PCDH17: variants seen among roughly 807,000 people sequenced by gnomAD.
The protein encoded by PCDH17 is protocadherin-17.
Under a neutral mutation model 67.7 loss-of-function variants are expected in PCDH17, and 21 were observed. The ratio of observed to expected loss-of-function variants is 0.31; its 90% confidence interval spans 0.22 to 0.45. The LOEUF (loss-of-function observed/expected upper bound fraction) is 0.45, where lower values mean the gene tolerates loss of function less well. PCDH17 is among the 20% of genes least tolerant of loss of function. PCDH17 has a pLI of 1.00. For missense variants in PCDH17, 1,471 were observed against 1,564.8 expected (o/e 0.94, Z 1.01); for synonymous variants, 701 against 656.7 (o/e 1.07, Z -1.03).
intron 1 of PCDH17, among the ~76,000 whole-genome samples, chr13:57,642,713 GA>G (rs1021033902): frequency 2.0e-5 from 3 of 151,032 alleles, no homozygotes; most frequent in African/African-American, 7.3e-5. Context: ...CTCCAATTCA[GA>G]AAAAAACTCA....
At chr13:57,712,651 C>T (rs892333742) in intron 3 of PCDH17, among the ~76,000 whole-genome samples, 1 of 150,730 alleles carries the variant, frequency 6.6e-6, no homozygotes, top group Non-Finnish European at 1.5e-5. Flanking sequence ...TTGGTAGCAA[C>T]AAAAAAATCA....
intron 3 of PCDH17, among the ~76,000 whole-genome samples, chr13:57,711,555 C>A (rs1331317256): frequency 6.6e-6 from 1 of 151,684 alleles, no homozygotes; most frequent in Non-Finnish European, 1.5e-5. Context: ...AATTATGTGA[C>A]AAATTTGAAG....
intron 3 of PCDH17, among the ~76,000 whole-genome samples, chr13:57,694,849 C>A (rs573536639): frequency 1.3e-5 from 2 of 151,192 alleles, no homozygotes; most frequent in African/African-American, 2.4e-5. Context: ...CCACATGTAT[C>A]ATTCTAGAGT....
Position 57,633,630 on chromosome 13 carries a change from A to G in PCDH17, c.1084A>G (p.Ser362Gly). The change falls in exon 1 of 4, where the codon AGC becomes GGC. Residue 362 changes from serine (S) to glycine (G), a missense_variant. Physicochemically the swap from Ser to Gly is moderately conservative, Grantham distance 56. Coordinates refer to ENST00000377918, the MANE Select transcript of PCDH17 (RefSeq NM_001040429.3). This position sits in a 1 kb window ranked among gnomAD's most constrained non-coding sequence, Gnocchi z 6.2. Reference protein sequence around the residue: ...GFVSVRQGALSEAAPPGTVIA... With the variant: ...GFVSVRQGALGEAAPPGTVIA... ...CGTCTCCGTGCGCCAGGGGGCGCTG[A>G]GCGAGGCCGCCCCTCCCGGCACCGT... 6.2e-7 allele frequency: 1 copy of G among 1,610,102 alleles called. No individual in the cohort carries two copies. Among genetic ancestry groups the G allele is most frequent in the Non-Finnish European group, 8.5e-7 (1 of 1,180,014 alleles).
chr13:57,634,262 A>C lies in PCDH17; in HGVS notation c.1716A>C (p.Thr572=), dbSNP rs373977410. ...HLESNATVRV[T]VLDVNDNAPV... ...AGAGCAACGCCACGGTGAGGGTGAC[A>C]GTGCTAGACGTGAATGACAACGCGC... Residue 572 remains threonine, a synonymous_variant, in exon 1 of 4, where the codon ACA becomes ACC. Coordinates refer to ENST00000377918, the MANE Select transcript of PCDH17 (RefSeq NM_001040429.3). The surrounding 1 kb of genome is among the most constrained non-coding windows in gnomAD (Gnocchi z 7.8). The C allele has an allele frequency of 6.8e-6, 11 of 1,613,126 alleles. No homozygotes were observed. Among genetic ancestry groups the C allele is most frequent in the Non-Finnish European group, 9.3e-6 (11 of 1,180,028 alleles).
intron 1 of PCDH17, among the ~76,000 whole-genome samples, chr13:57,665,201 A>G (rs1033796577): frequency 2.8e-5 from 2 of 71,134 alleles, no homozygotes; most frequent in Non-Finnish European, 5.6e-5. Context: ...CAAACTTGAC[A>G]ATGACACATA....
chr13:57,663,178 TAAAC>T (rs1267868656), intron 1 of PCDH17, among the ~76,000 whole-genome samples: 3 of 152,140 alleles, frequency 2.0e-5, no homozygotes, highest in East Asian at 1.9e-4. Flanking sequence ...TTTTTAATGA[TAAAC>T]AAATCATCAT....
chr13:57,723,752 A>AT (rs904263475), intron 3 of PCDH17, among the ~76,000 whole-genome samples: 7 of 152,028 alleles, frequency 4.6e-5, no homozygotes, highest in East Asian at 1.9e-4. Context: ...ATAATTAAGG[A>AT]TTTTTTTTCA....
intron 1 of PCDH17, among the ~76,000 whole-genome samples, chr13:57,641,000 A>T (rs1207040942): frequency 6.6e-6 from 1 of 151,964 alleles, no homozygotes; most frequent in African/African-American, 2.4e-5. Context: ...TAGTAAAGCC[A>T]TTAGGGAGGG....
chr13:57,711,735 A>G (rs1041063150), intron 3 of PCDH17, among the ~76,000 whole-genome samples: 1 of 151,520 alleles, frequency 6.6e-6, no homozygotes, highest in Non-Finnish European at 1.5e-5. Context: ...TAAAATTACT[A>G]TAACATAATC....
At chr13:57,703,758 C>G (rs1174881525) in intron 3 of PCDH17, among the ~76,000 whole-genome samples, 1 of 152,114 alleles carries the variant, frequency 6.6e-6, no homozygotes, top group African/African-American at 2.4e-5. Flanking sequence ...TACTGTAGTT[C>G]AGCCACCCTA....
chr13:57,708,179 T>A (rs1955738750), intron 3 of PCDH17, among the ~76,000 whole-genome samples: 1 of 152,026 alleles, frequency 6.6e-6, no homozygotes, highest in South Asian at 2.1e-4. Flanking sequence ...ACTACTGAGT[T>A]TGGATTATTA....
chr13:57,631,519 A>C (rs1211035780), upstream of PCDH17, among the ~76,000 whole-genome samples: 1 of 152,178 alleles, frequency 6.6e-6, no homozygotes, highest in Non-Finnish European at 1.5e-5. Flanking sequence ...AGAGGATGGG[A>C]TGGTAGCGGA....
chr13:57,704,107 T>C (rs187717933), intron 3 of PCDH17, among the ~76,000 whole-genome samples: 22 of 152,240 alleles, frequency 1.4e-4, no homozygotes, highest in African/African-American at 5.3e-4. Context: ...ATACCTGTTC[T>C]CTGATTTCAA....
intron 3 of PCDH17, among the ~76,000 whole-genome samples, chr13:57,699,913 A>C (rs1260970497): frequency 6.6e-6 from 1 of 152,150 alleles, no homozygotes; most frequent in Non-Finnish European, 1.5e-5. Flanking sequence ...TGACCTCTTC[A>C]GAACAAAACA....
chr13:57,631,409 T>C (rs1954718398), upstream of PCDH17, among the ~76,000 whole-genome samples: 1 of 152,130 alleles, frequency 6.6e-6, no homozygotes, highest in Non-Finnish European at 1.5e-5. Context: ...CTCCTTTAAA[T>C]GTGCACGTCC....
intron 3 of PCDH17, among the ~76,000 whole-genome samples, chr13:57,716,712 A>C (rs1374539661): frequency 6.6e-6 from 1 of 151,954 alleles, no homozygotes. Context: ...ATCAAAGTTT[A>C]AACTCATCGG....
intron 3 of PCDH17, among the ~76,000 whole-genome samples, chr13:57,701,272 G>A (rs1033340446): frequency 2.0e-5 from 3 of 151,750 alleles, no homozygotes; most frequent in African/African-American, 7.2e-5. Flanking sequence ...TCCCCCGTTT[G>A]TTTGTTTGTT....
chr13:57,660,706 T>C (rs1013194906), intron 1 of PCDH17, among the ~76,000 whole-genome samples: 4 of 152,178 alleles, frequency 2.6e-5, no homozygotes, highest in African/African-American at 7.2e-5. Context: ...CTTTCACCCC[T>C]AGCAACCACG....
Sources: allele counts gnomAD v4.1 joint callset (sites outside exome capture counted in the v4.1 genomes callset), GRCh38; gene constraint gnomAD v4.1.1; non-coding constraint Gnocchi (gnomAD v3.1); transcripts MANE v1.5; gene names NCBI Gene and HGNC (gene_info 2026-07-23, HGNC 2026-07-21).